YTHDC1: variants seen among roughly 807,000 people sequenced by gnomAD.
YTHDC1 encodes the protein YTH domain-containing protein 1.
A neutral mutation model predicts 107.0 loss-of-function variants in YTHDC1; 12 were observed. The observed-to-expected ratio is 0.11, with a 90% confidence interval of 0.07 to 0.18. YTHDC1 has a LOEUF of 0.18. YTHDC1 is among the 10% of genes least tolerant of loss of function. The pLI, the probability that YTHDC1 is intolerant of heterozygous loss-of-function variation, is 1.00. For missense variants in YTHDC1, 635 were observed against 898.8 expected, an observed-to-expected ratio of 0.71 and a Z score of 3.75; for synonymous variants, 280 against 289.5, an observed-to-expected ratio of 0.97 and a Z score of 0.33.
chr4:68,332,286 C>CAA, intron 6 of YTHDC1, 89 bp from the exon 7 acceptor site: 1 of 766,584 alleles, frequency 1.3e-6, no homozygotes, highest in Non-Finnish European at 2.0e-6. Context: ...TAGCCCTCCA[C>CAA]AACCCAGCTA....
intron 2 of YTHDC1, 181 bp downstream of exon 2, chr4:68,338,102 A>G: frequency 1.1e-6 from 1 of 911,752 alleles, no homozygotes; most frequent in Non-Finnish European, 1.3e-6. Flanking sequence ...ATATTTGAGA[A>G]GTTTCATATA....
In YTHDC1 at chr4:68,337,597, T is replaced by C; in HGVS notation, c.434A>G (p.Lys145Arg). 1 of 1,610,822 alleles carries C rather than the reference T, an allele frequency of 6.2e-7. No individual in the cohort carries two copies. Among genetic ancestry groups the C allele is most frequent in the Middle Eastern group, 1.7e-4 (1 of 6,042 alleles). ...VRKRDPERRA[K>R]SPTPDGSERI... ...CTCAGAACCATCTGGCGTAGGAGAT[T>C]TGGCCCTCCTTTCAGGATCCCTTTT... The change falls in exon 3 of 17, where the codon AAA becomes AGA. Residue 145 changes from lysine to arginine, a missense_variant. Physicochemically the swap from Lys to Arg is conservative, Grantham distance 26 (BLOSUM62 2). Transcript: ENST00000344157.
chr4:68,317,764 C>T (rs775726074), intron 15 of YTHDC1, among the ~76,000 whole-genome samples: 1 of 152,184 alleles, frequency 6.6e-6, no homozygotes, highest in Non-Finnish European at 1.5e-5. Context: ...TATACCAGGA[C>T]AGTCATGATG....
intron 6 of YTHDC1, 66 bp downstream of exon 6, chr4:68,332,728 G>A: frequency 2.8e-6 from 4 of 1,446,044 alleles, no homozygotes; most frequent in Non-Finnish European, 2.9e-6. Flanking sequence ...TATTAATGGA[G>A]AACCAATAAG....
rs1236614060 is a variant in YTHDC1, at chr4:68,312,683, T to C, written c.*1416A>G. The C allele has an allele frequency of 6.6e-6, 1 of 152,252 alleles. No individual in the cohort carries two copies. The highest frequency in any genetic ancestry group is 6.5e-5 in the Admixed American group (1 of 15,284). 9.4% of individuals were successfully genotyped at this position (152,252 alleles called of 1,614,324 possible). ...TTATATCCTTTAAGAGTAAAGTGCC[T>C]GTGTTGTTCTTTTCAGGCCAATATA... On this transcript the variant is annotated 3_prime_UTR_variant, in exon 17 of 17. Transcript: ENST00000344157.
chr4:68,318,167 G>A (rs1370982135), intron 15 of YTHDC1, among the ~76,000 whole-genome samples: 1 of 152,150 alleles, frequency 6.6e-6, no homozygotes, highest in African/African-American at 2.4e-5. Context: ...GCGCAATCTC[G>A]GCTCACTGTA....
intron 4 of YTHDC1, among the ~76,000 whole-genome samples, chr4:68,336,545 C>G (rs1394845810): frequency 6.6e-6 from 1 of 152,104 alleles, no homozygotes; most frequent in African/African-American, 2.4e-5. Flanking sequence ...AGTCAACTGA[C>G]AGACACAAAA....
chr4:68,349,630 A>AGCCCCCCCCCCCCCCCCCCCC, intron 1 of YTHDC1, 96 bp downstream of exon 1: 1 of 153,366 alleles, frequency 6.5e-6, no homozygotes, highest in Non-Finnish European at 1.3e-5. Context: ...TAACCTCCCC[A>AGCCCCCCCCCCCCCCCCCCCC]ACCCCCACCC....
chr4:68,328,875 G>GC (rs1723272016), intron 9 of YTHDC1, among the ~76,000 whole-genome samples: 1 of 152,136 alleles, frequency 6.6e-6, no homozygotes, highest in South Asian at 2.1e-4. Flanking sequence ...AATCTGCACA[G>GC]CATGTTACTG....
At chr4:68,315,178 T>C (rs568844791) in intron 16 of YTHDC1, among the ~76,000 whole-genome samples, 1 of 152,356 alleles carries the variant, frequency 6.6e-6, no homozygotes, top group African/African-American at 2.4e-5. Flanking sequence ...GATTTCATTA[T>C]AGATAGACTG....
rs972142515 is a variant in YTHDC1, at chr4:68,311,700, T to G, written c.*2399A>C. 6.6e-6 allele frequency: 1 copy of G among 152,330 alleles called. No individual in the cohort carries two copies. The highest frequency in any genetic ancestry group is 1.9e-4 in the East Asian group (1 of 5,184). 9.4% of individuals were successfully genotyped at this position (152,330 alleles called of 1,614,324 possible). On this transcript the variant is annotated 3_prime_UTR_variant, in exon 17 of 17. Coordinates refer to ENST00000344157, the MANE Select transcript of YTHDC1 (RefSeq NM_001031732.4). The stretch of plus-strand genomic sequence containing the variant: ...GATTATGTGAGCCAACAGAATTGTT[T>G]AGAATAGTGCCAGATACTTGGTAAA...
Position 68,324,200 on chromosome 4 carries a change from G to A in YTHDC1, c.1373C>T (p.Ser458Leu), listed in dbSNP as rs753604463. ...ATTCCAAGGATTGGTGAGATGAGCC[G>A]ACTTAGTGAAGGGTAATTCACGCCT... ...ICRRELPFTK[S>L]AHLTNPWNEH... The change falls in exon 10 of 17, where the codon TCG becomes TTG. Residue 458 changes from serine to leucine, a missense_variant. Ser to Leu is a moderately radical substitution (Grantham distance 145). Transcript: ENST00000344157. 3 of 1,613,806 alleles carry A rather than the reference G, an allele frequency of 1.9e-6. No individual in the cohort carries two copies. The highest frequency in any genetic ancestry group is 2.7e-5 in the African/African-American group (2 of 75,040).
Position 68,350,090 on chromosome 4 carries a change from T to G in YTHDC1, c.-337A>C. On this transcript the variant is annotated 5_prime_UTR_variant, in exon 1 of 17. Transcript: ENST00000344157. ...GCGCGAAACAATCCCGCTCCCGAAA[T>G]GCCCTGCGCTGTTTACGCTTCGTTC... 2 of 437,352 alleles carry G rather than the reference T, an allele frequency of 4.6e-6. No homozygotes were observed. The highest frequency in any genetic ancestry group is 8.3e-6 in the Non-Finnish European group (2 of 240,264). 27.1% of individuals were successfully genotyped at this position (437,352 alleles called of 1,614,324 possible).
intron 1 of YTHDC1, among the ~76,000 whole-genome samples, chr4:68,340,971 T>C (rs1364775355): frequency 1.3e-5 from 2 of 152,152 alleles, no homozygotes; most frequent in Non-Finnish European, 2.9e-5. Flanking sequence ...ATACTGGTTG[T>C]AGTTTTAGAA....
intron 2 of YTHDC1, 119 bp downstream of exon 2, chr4:68,338,164 C>G (rs1008320508): frequency 7.7e-7 from 1 of 1,296,440 alleles, no homozygotes; most frequent in Non-Finnish European, 1.1e-6. Context: ...TTATTATGTA[C>G]ATTTAGTGTT....
At chr4:68,348,642 C>A (rs1029994992) in intron 1 of YTHDC1, among the ~76,000 whole-genome samples, 1 of 152,072 alleles carries the variant, frequency 6.6e-6, no homozygotes, top group African/African-American at 2.4e-5. Flanking sequence ...TAGGGCAGTT[C>A]ATTGAAGCAT....
rs1725935701 is a variant in YTHDC1, at chr4:68,350,012, G to C, written c.-259C>G. On this transcript the variant is annotated 5_prime_UTR_variant, in exon 1 of 17. Coordinates refer to ENST00000344157, the MANE Select transcript of YTHDC1 (RefSeq NM_001031732.4). ...CAGACTCGGGCTAGGTATGGGGGAG[G>C]GAAGGGAAACAGATGGCGACGGCGG... is the stretch of plus-strand genomic sequence containing the variant. The C allele has an allele frequency of 5.2e-6, 3 of 573,120 alleles. No homozygotes were observed. The highest frequency in any genetic ancestry group is 3.1e-5 in the Admixed American group (1 of 31,892). 35.5% of individuals were successfully genotyped at this position (573,120 alleles called of 1,614,324 possible).
chr4:68,333,370 G>T lies in YTHDC1; in HGVS notation c.911C>A (p.Ala304Asp). The T allele has an allele frequency of 1.9e-6, 3 of 1,611,580 alleles. No homozygotes were observed. The highest frequency in any genetic ancestry group is 2.5e-6 in the Non-Finnish European group (3 of 1,178,804). The change falls in exon 5 of 17, where the codon GCT becomes GAT. Residue 304 changes from alanine to aspartate, a missense_variant. Physicochemically the swap from Ala to Asp is moderately radical, Grantham distance 126 (BLOSUM62 -2). Transcript: ENST00000344157. Reference sequence around the variant, plus strand: ...AAAAACAATTGGAGATATGCCTCTAGCTCTCTTCCTTTCCTTCTTTTTCTC... The same window carrying T: ...AAAAACAATTGGAGATATGCCTCTATCTCTCTTCCTTTCCTTCTTTTTCTC... ...SDEKKKERKR[A>D]RGISPIVFDR...
At chr4:68,315,858 T>C (rs1330010243) in intron 16 of YTHDC1, 1 of 152,436 alleles carries the variant, frequency 6.6e-6, no homozygotes, top group Admixed American at 6.5e-5. Context: ...AAACAATTTA[T>C]CAGTTACTAG....
Sources: allele counts gnomAD v4.1 joint callset (sites outside exome capture counted in the v4.1 genomes callset), GRCh38; gene constraint gnomAD v4.1.1; transcripts MANE v1.5; gene names NCBI Gene and HGNC (gene_info 2026-07-23, HGNC 2026-07-21).